Variants in RTN4IP1 observed in about 807,000 individuals in gnomAD.
The protein encoded by RTN4IP1 is reticulon 4 interacting protein 1, also known as NAD(P)H oxidoreductase RTN4IP1, mitochondrial.
RTN4IP1 carries 32 observed loss-of-function variants against 46.6 expected under a neutral mutation model. The observed-to-expected ratio is 0.69, with a 90% CI of 0.52 to 0.92. The LOEUF is 0.92. Among genes scored for constraint, RTN4IP1 ranks in the 40% least tolerant of loss-of-function variants. RTN4IP1 has a pLI of 0.00. For synonymous variants in RTN4IP1, 167 were observed against 161.8 expected, an observed-to-expected ratio of 1.03 and a Z score of -0.24; for missense variants, 424 against 485.8, an observed-to-expected ratio of 0.87 and a Z score of 1.20.
chr6:106,592,104 AC>A, intron 6 of RTN4IP1, 59 bp downstream of exon 6: 1 of 1,555,184 alleles, frequency 6.4e-7, no homozygotes, highest in East Asian at 2.3e-5. Context: ...GCCATCTCAG[AC>A]CTGCATAATC....
intron 3 of RTN4IP1, 115 bp from the exon 4 acceptor site, chr6:106,619,441 T>A (rs1186509956): frequency 8.1e-7 from 1 of 1,235,816 alleles, no homozygotes; most frequent in African/African-American, 1.5e-5. Context: ...GGGGTTTGAA[T>A]TGTGCAAGTC....
chr6:106,620,949 G>C (rs1036993839), intron 3 of RTN4IP1, among the ~76,000 whole-genome samples: 17 of 152,088 alleles, frequency 1.1e-4, no homozygotes, highest in African/African-American at 4.1e-4. Context: ...TCTAATCTCA[G>C]TAATAACCTT....
chr6:106,630,179 C>T (rs1224153642), upstream of RTN4IP1, among the ~76,000 whole-genome samples: 1 of 152,298 alleles, frequency 6.6e-6, no homozygotes, highest in East Asian at 1.9e-4. Context: ...CCAGTGATTT[C>T]CTAACCCGTG....
chr6:106,621,436 T>C lies in RTN4IP1; in HGVS notation c.484A>G (p.Ser162Gly). ...QGTLSEFVVV[S>G]GNEVSHKPKS... is the part of the protein sequence containing the mutation. ...AGTTGGTAAGTTACCTCATTCCCAC[T>C]GACTACAACAAACTCTGAAAGAGTG... Residue 162 changes from serine (S) to glycine (G), a missense_variant, in exon 3 of 9, where the codon AGT becomes GGT. Ser to Gly is a moderately conservative substitution (Grantham distance 56). Coordinates refer to ENST00000369063, the MANE Select transcript of RTN4IP1 (RefSeq NM_032730.5). The C allele has an allele frequency of 1.2e-6, 2 of 1,613,538 alleles. No homozygotes were observed. The highest frequency in any genetic ancestry group is 1.7e-6 in the Non-Finnish European group (2 of 1,179,470).
intron 4 of RTN4IP1, among the ~76,000 whole-genome samples, chr6:106,611,087 G>A (rs1428616499): frequency 6.6e-6 from 1 of 151,610 alleles, no homozygotes. Context: ...CTACAAAACA[G>A]CAAGACATCC....
chr6:106,589,312 GGAGGAAGAGGAAGAA>G (rs1185911918), intron 6 of RTN4IP1, among the ~76,000 whole-genome samples: 9 of 138,708 alleles, frequency 6.5e-5, no homozygotes, highest in East Asian at 2.2e-4. Context: ...AGGAGGAGGA[GGAGGAAGAGGAAGAA>G]GAGGAAGAGG....
chr6:106,601,874 G>A (rs1436090605), intron 5 of RTN4IP1, among the ~76,000 whole-genome samples: 1 of 152,204 alleles, frequency 6.6e-6, no homozygotes, highest in Non-Finnish European at 1.5e-5. Flanking sequence ...GCCTCCCAAA[G>A]TGTAGGGATA....
chr6:106,601,238 A>C (rs1219567212), intron 5 of RTN4IP1, among the ~76,000 whole-genome samples: 1 of 152,162 alleles, frequency 6.6e-6, no homozygotes, highest in African/African-American at 2.4e-5. Flanking sequence ...ATGTCAATTC[A>C]AGTTCTTTGC....
chr6:106,605,941 C>T (rs1176726505), intron 4 of RTN4IP1, among the ~76,000 whole-genome samples: 1 of 151,404 alleles, frequency 6.6e-6, no homozygotes, highest in East Asian at 2.0e-4. Context: ...GGAAAAAGTA[C>T]TGGAAGTACT....
intron 4 of RTN4IP1, among the ~76,000 whole-genome samples, chr6:106,603,451 A>C (rs1208214867): frequency 2.0e-5 from 3 of 152,206 alleles, no homozygotes; most frequent in African/African-American, 7.2e-5. Context: ...GAATCTGTCA[A>C]ACCAGCACAA....
chr6:106,608,691 C>T (rs1776146630), intron 4 of RTN4IP1, among the ~76,000 whole-genome samples: 1 of 152,178 alleles, frequency 6.6e-6, no homozygotes, highest in Non-Finnish European at 1.5e-5. Flanking sequence ...CAGTTGATTT[C>T]AGCAGACTCA....
At chr6:106,576,685 C>CTATTGTG (rs1775236067) in intron 8 of RTN4IP1, among the ~76,000 whole-genome samples, 1 of 152,208 alleles carries the variant, frequency 6.6e-6, no homozygotes, top group South Asian at 2.1e-4. Context: ...ATATGGTAGC[C>CTATTGTG]TCTAGACACG....
At chr6:106,595,789 C>T (rs1176918724) in intron 5 of RTN4IP1, among the ~76,000 whole-genome samples, 1 of 152,136 alleles carries the variant, frequency 6.6e-6, no homozygotes, top group Non-Finnish European at 1.5e-5. Context: ...TGAGCCAACG[C>T]GTCCAGCCTG....
intron 4 of RTN4IP1, among the ~76,000 whole-genome samples, chr6:106,610,093 A>C (rs527553932): frequency 5.9e-5 from 9 of 151,700 alleles, no homozygotes; most frequent in Non-Finnish European, 1.2e-4. Flanking sequence ...ACGGAGTCTC[A>C]CTCCGTCGCC....
intron 4 of RTN4IP1, among the ~76,000 whole-genome samples, chr6:106,603,265 G>C (rs1775989122): frequency 6.6e-6 from 1 of 152,330 alleles, no homozygotes; most frequent in Admixed American, 6.5e-5. Context: ...ATGAGAGGGA[G>C]ATTTGGGGCC....
At chr6:106,621,077 C>T (rs1239022430) in intron 3 of RTN4IP1, among the ~76,000 whole-genome samples, 1 of 152,120 alleles carries the variant, frequency 6.6e-6, no homozygotes, top group East Asian at 1.9e-4. Context: ...TAAAGTTATT[C>T]AAAACCGCTG....
chr6:106,591,664 C>T (rs1338673835), intron 6 of RTN4IP1, among the ~76,000 whole-genome samples: 1 of 152,062 alleles, frequency 6.6e-6, no homozygotes, highest in African/African-American at 2.4e-5. Context: ...GAATGCATTC[C>T]TGCTTGGTAC....
At chr6:106,573,518 C>G (rs969833772) in intron 8 of RTN4IP1, among the ~76,000 whole-genome samples, 1 of 152,206 alleles carries the variant, frequency 6.6e-6, no homozygotes, top group Admixed American at 6.5e-5. Context: ...ATAAAAGCAA[C>G]AGCTGGCACA....
At chr6:106,589,175 G>A (rs1160164785) in intron 6 of RTN4IP1, among the ~76,000 whole-genome samples, 20 of 31,470 alleles carry the variant, frequency 6.4e-4, no homozygotes, top group East Asian at 8.0e-4. Flanking sequence ...AGGCGGTGGA[G>A]GAGGAGGAGG....
Sources: gnomAD v4.1 joint callset for allele counts (sites outside exome capture counted in the v4.1 genomes callset) on GRCh38, gnomAD v4.1.1 for gene constraint, MANE v1.5 for transcripts, NCBI Gene and HGNC (gene_info 2026-07-23, HGNC 2026-07-21) for gene names.